The following ALX1 variants were observed in gnomAD, a reference collection of about 807,000 sequenced individuals.
The protein encoded by ALX1 is ALX homeobox protein 1.
A neutral mutation model predicts 31.7 loss-of-function variants in ALX1; 19 were observed. The ratio of observed to expected loss-of-function variants is 0.60; its 90% CI spans 0.42 to 0.88. The LOEUF (loss-of-function observed/expected upper bound fraction) is 0.88, where lower values mean the gene tolerates loss of function less well. ALX1 is among the 40% of genes least tolerant of loss of function. ALX1 has a pLI of 0.00. For synonymous variants in ALX1, 153 were observed against 148.8 expected (o/e 1.03, Z -0.20); for missense variants, 415 against 407.8 (o/e 1.02, Z -0.15).
At chr12:85,287,349 A>G (rs1232022388) in intron 3 of ALX1, among the ~76,000 whole-genome samples, 1 of 151,676 alleles carries the variant, frequency 6.6e-6, no homozygotes, top group African/African-American at 2.4e-5. Flanking sequence ...GTTGCTTAGC[A>G]TGCAATCTCT....
At chr12:85,282,138 T>C (rs1896682495) in intron 1 of ALX1, among the ~76,000 whole-genome samples, 1 of 152,068 alleles carries the variant, frequency 6.6e-6, no homozygotes, top group African/African-American at 2.4e-5. Context: ...CCCCTTTAAT[T>C]TTGCCCAAGG....
intron 3 of ALX1, 152 bp from the exon 4 acceptor site, chr12:85,301,003 T>G: frequency 1.4e-6 from 1 of 737,290 alleles, no homozygotes; most frequent in South Asian, 1.8e-5. Context: ...CTCAAGTAAT[T>G]ATTTTTTAGT....
intron 3 of ALX1, 87 bp from the exon 4 acceptor site, chr12:85,301,068 C>G (rs1051654750): frequency 1.0e-4 from 154 of 1,485,296 alleles, no homozygotes; most frequent in Non-Finnish European, 1.4e-4. Flanking sequence ...GAATAGTTAA[C>G]CAAATTTAGT....
Position 85,301,244 on chromosome 12 carries a change from A to T in ALX1, c.750A>T (p.Thr250=). The change falls in exon 4 of 4, where the codon ACA becomes ACT. Residue 250 remains threonine (T), a synonymous_variant. Transcript: ENST00000316824. ...CACGTGACACTTCCTCCTGTATGACACCTTATTCTCACTCGCCTCGGACAG... is the reference window on the plus strand; with the variant it reads ...CACGTGACACTTCCTCCTGTATGACTCCTTATTCTCACTCGCCTCGGACAG... ...MLPRDTSSCM[T]PYSHSPRTDS... is the part of the protein sequence containing the mutation. 1 of 1,614,032 alleles carries T rather than the reference A, an allele frequency of 6.2e-7. No homozygotes were observed. The highest frequency in any genetic ancestry group is 2.2e-5 in the East Asian group (1 of 44,870).
chr12:85,301,037 C>A, intron 3 of ALX1, 118 bp from the exon 4 acceptor site: 3 of 1,048,272 alleles, frequency 2.9e-6, no homozygotes, highest in Non-Finnish European at 4.3e-6. Flanking sequence ...AATTACAGAC[C>A]ACCCAATAGG....
chr12:85,283,794 T>G lies in ALX1; in HGVS notation c.449T>G (p.Val150Gly). The G allele has an allele frequency of 6.2e-7, 1 of 1,614,064 alleles. No individual in the cohort carries two copies. The highest frequency in any genetic ancestry group is 8.5e-7 in the Non-Finnish European group (1 of 1,179,996). Residue 150 changes from valine to glycine, a missense_variant, in exon 2 of 4, where the codon GTC becomes GGC. By Grantham distance (109) the Val-to-Gly change is moderately radical (BLOSUM62 -3). Transcript: ENST00000316824. ...TTGCAGCTAGAGGAGCTGGAGAAAG[T>G]CTTTCAGAAAACTCATTACCCGGAT... ...TSLQLEELEK[V>G]FQKTHYPDVY...
At chr12:85,281,234 G>C (rs999300795) in intron 1 of ALX1, among the ~76,000 whole-genome samples, 5 of 152,150 alleles carry the variant, frequency 3.3e-5, no homozygotes, top group African/African-American at 1.2e-4. Context: ...AGTCACCTAA[G>C]GAGTCTTTGG....
chr12:85,300,851 T>A (rs1312551485), intron 3 of ALX1, among the ~76,000 whole-genome samples: 2 of 152,152 alleles, frequency 1.3e-5, no homozygotes, highest in Admixed American at 6.6e-5. Flanking sequence ...TGGTCATGAC[T>A]CAATCTTCCA....
At chr12:85,300,005 A>G (rs1051821455) in intron 3 of ALX1, among the ~76,000 whole-genome samples, 1 of 151,982 alleles carries the variant, frequency 6.6e-6, no homozygotes, top group Non-Finnish European at 1.5e-5. Flanking sequence ...TGCTAAAAGC[A>G]TTCAGTTTTA....
chr12:85,288,227 T>C (rs1896773630), intron 3 of ALX1, among the ~76,000 whole-genome samples: 1 of 151,538 alleles, frequency 6.6e-6, no homozygotes, highest in Non-Finnish European at 1.5e-5. Flanking sequence ...CAGGAGAGAC[T>C]GTAAAGGTCG....
intron 2 of ALX1, among the ~76,000 whole-genome samples, chr12:85,285,394 A>T (rs902003069): frequency 1.3e-5 from 2 of 152,014 alleles, no homozygotes; most frequent in African/African-American, 4.8e-5. Context: ...CGTATTACTA[A>T]ATTCCCTTAG....
Position 85,296,967 on chromosome 12 carries a change from C to T in ALX1, c.661-4188C>T, listed in dbSNP as rs371360997. Among the ~76,000 whole-genome samples the T allele has an allele frequency of 1.1e-4, 17 of 151,704 alleles. No homozygotes were observed. In the South Asian group the frequency reaches 1.2e-3, roughly 11 times the overall value. ...ACCACCAATATAATTTTTCCTTTAA[C>T]GAATCAGAGTGCGATTTTGATGGGC... On this transcript the variant is annotated intron_variant, in intron 3 of 3. Coordinates refer to ENST00000316824, the MANE Select transcript of ALX1 (RefSeq NM_006982.3).
At chr12:85,287,754 A>G (rs542491875) in intron 3 of ALX1, among the ~76,000 whole-genome samples, 1 of 151,410 alleles carries the variant, frequency 6.6e-6, no homozygotes, top group Admixed American at 6.6e-5. Context: ...ATACTTAATA[A>G]TGATATTCAG....
At chr12:85,299,075 A>G (rs1349228986) in intron 3 of ALX1, among the ~76,000 whole-genome samples, 1 of 151,694 alleles carries the variant, frequency 6.6e-6, no homozygotes, top group Non-Finnish European at 1.5e-5. Context: ...TGTATAAATC[A>G]AGCAATTCTT....
rs1193523802 is a variant in ALX1 at position 85,301,281 on chromosome 12, A to T, written c.787A>T (p.Thr263Ser). The change falls in exon 4 of 4, where the codon ACG becomes TCG. Residue 263 changes from threonine (T) to serine (S), a missense_variant. By Grantham distance (58) the Thr-to-Ser change is moderately conservative. Transcript: ENST00000316824. ...SHSPRTDSSY[T>S]GFSNHQNQFS... ...CTCGCCTCGGACAGATTCCAGTTAC[A>T]CGGGGTTTTCAAACCACCAGAACCA... is the stretch of plus-strand genomic sequence containing the variant. 1 of 1,613,996 alleles carries T rather than the reference A, an allele frequency of 6.2e-7. No homozygotes were observed. The highest frequency in any genetic ancestry group is 8.5e-7 in the Non-Finnish European group (1 of 1,179,952).
At position 85,280,350 on chromosome 12, in the gene ALX1, A is replaced by G; in HGVS notation, c.89A>G (p.His30Arg). 6.2e-7 allele frequency: 1 copy of G among 1,613,944 alleles called. No homozygotes were observed. The change falls in exon 1 of 4, where the codon CAC (histidine) becomes CGC (arginine). Residue 30 changes from histidine to arginine, a missense_variant. By Grantham distance (29) the His-to-Arg change is conservative. This residue lies in a region of ALX1 where 235 missense variants were observed against 208.9 expected (regional missense o/e 1.13). Transcript: ENST00000316824. ...ATGGGCGCAGGAGGTCCTCTGGAGC[A>G]CGTTATGGAGACGCTGGACAATGAG... ...FYMGAGGPLE[H>R]VMETLDNESF...
intron 3 of ALX1, among the ~76,000 whole-genome samples, chr12:85,293,265 GTA>G (rs372875689): frequency 1.6e-4 from 24 of 148,046 alleles, no homozygotes; most frequent in Middle Eastern, 3.5e-3. Context: ...ATGTATGTGT[GTA>G]TATATATATA....
chr12:85,290,697 A>G (rs978779761), intron 3 of ALX1, among the ~76,000 whole-genome samples: 1 of 151,140 alleles, frequency 6.6e-6, no homozygotes, highest in Non-Finnish European at 1.5e-5. Flanking sequence ...CTGTGATTTA[A>G]CTAAATTAAT....
At chr12:85,288,615 A>G (rs1896779393) in intron 3 of ALX1, among the ~76,000 whole-genome samples, 1 of 151,486 alleles carries the variant, frequency 6.6e-6, no homozygotes, top group Non-Finnish European at 1.5e-5. Flanking sequence ...CCCTCACTGT[A>G]TATCTGGGCA....
Sources: gnomAD v4.1 joint callset for allele counts (sites outside exome capture counted in the v4.1 genomes callset) on GRCh38, gnomAD v4.1.1 for gene constraint, gnomAD v4.1.1 regional missense constraint, MANE v1.5 for transcripts, NCBI Gene and HGNC (gene_info 2026-07-23, HGNC 2026-07-21) for gene names.